Variants in YPEL5 observed in about 807,000 individuals in gnomAD.
YPEL5 encodes yippee like 5.
Under a neutral mutation model 10.5 loss-of-function variants are expected in YPEL5, and 1 was observed. The observed-to-expected ratio is 0.10, with a 90% CI of 0.03 to 0.45. The LOEUF (loss-of-function observed/expected upper bound fraction) is 0.45, where lower values mean the gene tolerates loss of function less well. Among genes scored for constraint, YPEL5 ranks in the 20% least tolerant of loss-of-function variants. The pLI, the probability that YPEL5 is intolerant of heterozygous loss-of-function variation, is 0.97. For missense variants in YPEL5, 68 were observed against 159.3 expected (o/e 0.43, Z 3.09); for synonymous variants, 61 against 56.6 (o/e 1.08, Z -0.35).
At chr2:30,158,503 C>A in intron 2 of YPEL5, 116 bp from the exon 3 acceptor site, 1 of 984,904 alleles carries the variant, frequency 1.0e-6, no homozygotes, top group Non-Finnish European at 1.5e-6. Flanking sequence ...TTTGACTAAA[C>A]TAACAAGTTC....
At chr2:30,156,879 A>G (rs1676062016) in intron 2 of YPEL5, 87 bp downstream of exon 2, 11 of 1,477,916 alleles carry the variant, frequency 7.4e-6, no homozygotes, top group Non-Finnish European at 9.3e-6. Flanking sequence ...GCTTAGAGAT[A>G]CCAGGAAGAG....
Position 30,160,103 on chromosome 2 carries a change from C to G in YPEL5, c.*1260C>G, listed in dbSNP as rs1676217600. ...TTTACCCAAACTACTTCTAGATATT[C>G]TAGTATTTGCTTCTGGTGGAATTAA... On this transcript the variant is annotated 3_prime_UTR_variant, in exon 3 of 3. Coordinates refer to ENST00000261353, the MANE Select transcript of YPEL5 (RefSeq NM_016061.3). 1.3e-5 allele frequency: 2 copies of G among 152,682 alleles called. No individual in the cohort carries two copies. The highest frequency in any genetic ancestry group is 2.1e-4 in the South Asian group (1 of 4,822). 9.5% of individuals were successfully genotyped at this position (152,682 alleles called of 1,614,324 possible). A position where few individuals can be genotyped will look rare whatever the true frequency, so the allele number is the denominator to read the frequency against.
chr2:30,153,263 AG>A (rs1675897221), intron 1 of YPEL5, among the ~76,000 whole-genome samples: 1 of 152,174 alleles, frequency 6.6e-6, no homozygotes, highest in African/African-American at 2.4e-5. Flanking sequence ...AGGGTACTAT[AG>A]ACTGTATGGC....
intron 1 of YPEL5, among the ~76,000 whole-genome samples, chr2:30,150,810 T>TA (rs1443220786): frequency 6.6e-6 from 1 of 152,196 alleles, no homozygotes; most frequent in Non-Finnish European, 1.5e-5. Context: ...AAGGGCCAGG[T>TA]AAAAAATATT....
intron 1 of YPEL5, among the ~76,000 whole-genome samples, chr2:30,151,515 C>T (rs1558355614): frequency 6.6e-6 from 1 of 152,126 alleles, no homozygotes; most frequent in Non-Finnish European, 1.5e-5. Context: ...CATCCCAGCC[C>T]CTCACTGTTT....
intron 1 of YPEL5, among the ~76,000 whole-genome samples, chr2:30,153,279 A>G (rs564575277): frequency 1.3e-5 from 2 of 152,312 alleles, no homozygotes; most frequent in African/African-American, 4.8e-5. Context: ...TATGGCTTAT[A>G]AACAACAAAT....
At chr2:30,153,178 A>G (rs997958169) in intron 1 of YPEL5, among the ~76,000 whole-genome samples, 2 of 152,190 alleles carry the variant, frequency 1.3e-5, no homozygotes, top group Non-Finnish European at 2.9e-5. Context: ...CCGGGATTAC[A>G]GGTGTGAGCC....
chr2:30,158,472 AT>A (rs1676139918), intron 2 of YPEL5, 146 bp from the exon 3 acceptor site: 1 of 735,372 alleles, frequency 1.4e-6, no homozygotes, highest in Non-Finnish European at 2.2e-6. Flanking sequence ...CTTCTAATAA[AT>A]AAGTCTTGCG....
chr2:30,152,161 GT>G (rs966454687), intron 1 of YPEL5, among the ~76,000 whole-genome samples: 40 of 149,526 alleles, frequency 2.7e-4, no homozygotes, highest in Middle Eastern at 3.5e-3. Flanking sequence ...TAATAAAGCG[GT>G]TTTTTTTTTC....
intron 2 of YPEL5, 148 bp downstream of exon 2, chr2:30,156,940 T>A: frequency 1.0e-6 from 1 of 974,458 alleles, no homozygotes; most frequent in East Asian, 2.6e-5. Flanking sequence ...TAGCTCGTCT[T>A]TGATGGGACC....
At chr2:30,151,971 G>A (rs1445897176) in intron 1 of YPEL5, among the ~76,000 whole-genome samples, 1 of 152,200 alleles carries the variant, frequency 6.6e-6, no homozygotes, top group Non-Finnish European at 1.5e-5. Flanking sequence ...ATCAGTGGTT[G>A]CCAGTGGCTG....
chr2:30,153,113 G>T lies in YPEL5; in HGVS notation c.-24-3515G>T, dbSNP rs556949425. On this transcript the variant is annotated intron_variant, in intron 1 of 2. Coordinates refer to ENST00000261353, the MANE Select transcript of YPEL5 (RefSeq NM_016061.3). Reference sequence around the variant, plus strand: ...AGACGGGGTTTCACAGTGTTAGCCAGGATGGTTTCGATCTCCTGACGTCGT... The same window carrying T: ...AGACGGGGTTTCACAGTGTTAGCCATGATGGTTTCGATCTCCTGACGTCGT... 5.3e-5 allele frequency among the ~76,000 whole-genome samples: 8 copies of T among 152,206 alleles called. No homozygotes were observed. In the South Asian group the frequency reaches 1.7e-3, roughly 32 times the overall value.
At chr2:30,147,293 G>C (rs1376541099) in intron 1 of YPEL5, among the ~76,000 whole-genome samples, 1 of 150,950 alleles carries the variant, frequency 6.6e-6, no homozygotes, top group African/African-American at 2.4e-5. Context: ...TGCTCTTTGT[G>C]AGGCCTGGCG....
In YPEL5 at chr2:30,156,804, A is replaced by G. The variant is rs769475341; in HGVS notation, c.141+12A>G. 3 of 1,614,032 alleles carry G rather than the reference A, an allele frequency of 1.9e-6. No homozygotes were observed. The highest frequency in any genetic ancestry group is 1.7e-4 in the Middle Eastern group (1 of 6,060). ...TTCTTTTTAACAAGGTTAGTGAGAAAAAGTTTGATTCCTAAGTGGGCTTAT... is the reference window on the plus strand; with the variant it reads ...TTCTTTTTAACAAGGTTAGTGAGAAGAAGTTTGATTCCTAAGTGGGCTTAT... On this transcript the variant is annotated intron_variant, in intron 2 of 2. Coordinates refer to ENST00000261353, the MANE Select transcript of YPEL5 (RefSeq NM_016061.3).
At chr2:30,157,448 G>A (rs561009404) in intron 2 of YPEL5, among the ~76,000 whole-genome samples, 4 of 152,290 alleles carry the variant, frequency 2.6e-5, no homozygotes, top group East Asian at 1.9e-4. Context: ...AGATGGTGGC[G>A]TTAAACTATT....
intron 2 of YPEL5, among the ~76,000 whole-genome samples, chr2:30,157,761 G>A (rs1206218613): frequency 6.6e-6 from 1 of 152,222 alleles, no homozygotes; most frequent in Admixed American, 6.5e-5. Flanking sequence ...GCACTCCTCT[G>A]TTCCATGTAG....
intron 2 of YPEL5, among the ~76,000 whole-genome samples, chr2:30,157,677 C>T (rs1676104008): frequency 6.6e-6 from 1 of 152,108 alleles, no homozygotes; most frequent in African/African-American, 2.4e-5. Flanking sequence ...GTTGAATTTC[C>T]AAGTATTTTA....
chr2:30,157,970 G>A (rs973281838), intron 2 of YPEL5, among the ~76,000 whole-genome samples: 8 of 152,182 alleles, frequency 5.3e-5, no homozygotes, highest in Non-Finnish European at 7.3e-5. Context: ...CCACATAGCC[G>A]TCAAAGCCAG....
intron 1 of YPEL5, among the ~76,000 whole-genome samples, chr2:30,151,706 G>T (rs928917595): frequency 6.6e-6 from 1 of 152,140 alleles, no homozygotes; most frequent in Non-Finnish European, 1.5e-5. Context: ...GCTTTATGAT[G>T]AGTTTAGCTC....
Sources: allele counts gnomAD v4.1 joint callset (sites outside exome capture counted in the v4.1 genomes callset), GRCh38; gene constraint gnomAD v4.1.1; transcripts MANE v1.5; gene names NCBI Gene and HGNC (gene_info 2026-07-23, HGNC 2026-07-21).